ADGRG6: variants seen among roughly 807,000 people sequenced by gnomAD.
ADGRG6 encodes the protein G-protein coupled receptor 126.
A neutral mutation model predicts 142.4 loss-of-function variants in ADGRG6; 84 were observed. That is an observed-to-expected ratio of 0.59 (90% CI 0.49 to 0.71). ADGRG6 has a LOEUF of 0.71. Ranked by LOEUF, ADGRG6 falls within the 30% of genes least tolerant of loss-of-function variation. The pLI is 0.00. For synonymous variants in ADGRG6, 521 were observed against 520.5 expected, an observed-to-expected ratio of 1.00 and a Z score of -0.01; for missense variants, 1,367 against 1,466.6, an observed-to-expected ratio of 0.93 and a Z score of 1.11.
At chr6:142,417,016 A>G (rs1235543862) in intron 20 of ADGRG6, 2 of 486,452 alleles carry the variant, frequency 4.1e-6, no homozygotes, top group Non-Finnish European at 7.5e-6. Context: ...CACTAAGCAA[A>G]CAGAATTTTA....
At chr6:142,406,912 A>G (rs1228446612) in intron 15 of ADGRG6, among the ~76,000 whole-genome samples, 1 of 152,142 alleles carries the variant, frequency 6.6e-6, no homozygotes, top group Non-Finnish European at 1.5e-5. Flanking sequence ...TGGTACAGAA[A>G]TGGAGTCCAG....
chr6:142,334,101 G>A (rs2039986), intron 2 of ADGRG6, among the ~76,000 whole-genome samples: 61,542 of 151,984 alleles, frequency 0.4, 14,578 homozygotes, highest in African/African-American at 0.67. Context: ...GATAGTTTCA[G>A]GATGTTTCCA....
chr6:142,421,191 A>C (rs181811015), intron 22 of ADGRG6, among the ~76,000 whole-genome samples: 1 of 152,288 alleles, frequency 6.6e-6, no homozygotes, highest in East Asian at 1.9e-4. Flanking sequence ...TGAAGTGCAA[A>C]ATAATTGTCA....
At chr6:142,425,608 A>T (rs1054548185) in intron 22 of ADGRG6, among the ~76,000 whole-genome samples, 1 of 152,158 alleles carries the variant, frequency 6.6e-6, no homozygotes, top group Non-Finnish European at 1.5e-5. Context: ...GCAGGGAGGC[A>T]CCTTAAAGTC....
chr6:142,405,633 G>C lies in ADGRG6; in HGVS notation c.2128-55G>C. 3 of 1,419,238 alleles carry C rather than the reference G, an allele frequency of 2.1e-6. 1 individual carries two copies. The highest frequency in any genetic ancestry group is 3.0e-6 in the Non-Finnish European group (3 of 1,010,872). 87.9% of individuals were successfully genotyped at this position (1,419,238 alleles called of 1,614,324 possible). On this transcript the variant is annotated intron_variant, in intron 14 of 24. Transcript: ENST00000367609. Reference sequence around the variant, plus strand: ...CGCCTAACTATACATGTGGAATAAAGTTATTACCATTCAATTATGATTACT... The same window carrying C: ...CGCCTAACTATACATGTGGAATAAACTTATTACCATTCAATTATGATTACT...
At chr6:142,441,781 G>A (rs1777766653) in intron 24 of ADGRG6, among the ~76,000 whole-genome samples, 1 of 152,146 alleles carries the variant, frequency 6.6e-6, no homozygotes, top group African/African-American at 2.4e-5. Flanking sequence ...GTGAATATAT[G>A]AACTGAAAGG....
At chr6:142,366,935 A>G (rs1413035574) in intron 2 of ADGRG6, among the ~76,000 whole-genome samples, 1 of 152,192 alleles carries the variant, frequency 6.6e-6, no homozygotes, top group Admixed American at 6.5e-5. Context: ...AACAAATGGG[A>G]TAAGTGAATG....
intron 2 of ADGRG6, among the ~76,000 whole-genome samples, chr6:142,347,143 G>A (rs922634225): frequency 1.3e-5 from 2 of 152,080 alleles, no homozygotes; most frequent in Non-Finnish European, 1.5e-5. Flanking sequence ...CTAGAGACAG[G>A]CACTATAATA....
At chr6:142,416,977 C>T (rs902953254) in intron 20 of ADGRG6, 13 of 410,052 alleles carry the variant, frequency 3.2e-5, no homozygotes, top group African/African-American at 6.1e-5. Context: ...AGATTTGATA[C>T]AAATCAGGTT....
intron 2 of ADGRG6, among the ~76,000 whole-genome samples, chr6:142,313,987 A>G (rs1195025680): frequency 6.6e-6 from 1 of 152,160 alleles, no homozygotes; most frequent in Non-Finnish European, 1.5e-5. Flanking sequence ...ATAATGATAA[A>G]TGTGTGTATG....
Position 142,403,819 on chromosome 6 carries a change from A to C in ADGRG6, c.1973A>C (p.Asp658Ala). The change falls in exon 14 of 25, where the codon GAT becomes GCT. Residue 658 changes from aspartate to alanine, a missense_variant. This residue lies in a region of ADGRG6 where 286 missense variants were observed against 371.4 expected (regional missense o/e 0.77). Transcript: ENST00000367609. ...ESSSEALKTIDELAFKIDLNS... is the reference protein window; with the variant it reads ...ESSSEALKTIAELAFKIDLNS... Reference sequence around the variant, plus strand: ...TACTTTAGAGCTTTAAAAACAATTGATGAATTGGCCTTCAAGATAGACCTA... The same window carrying C: ...TACTTTAGAGCTTTAAAAACAATTGCTGAATTGGCCTTCAAGATAGACCTA... 1 of 1,581,014 alleles carries C rather than the reference A, an allele frequency of 6.3e-7. No homozygotes were observed. Among genetic ancestry groups the C allele is most frequent in the Non-Finnish European group, 8.6e-7 (1 of 1,168,952 alleles).
At chr6:142,431,815 C>T (rs1777220582) in intron 22 of ADGRG6, among the ~76,000 whole-genome samples, 1 of 152,000 alleles carries the variant, frequency 6.6e-6, no homozygotes, top group Admixed American at 6.6e-5. Context: ...CCCAGCTACT[C>T]AGCAGATTGA....
chr6:142,408,506 G>A (rs1300950714), intron 16 of ADGRG6, among the ~76,000 whole-genome samples: 4 of 152,112 alleles, frequency 2.6e-5, no homozygotes, highest in Non-Finnish European at 5.9e-5. Context: ...GAAGTGAAGA[G>A]AAGGGCTTCT....
chr6:142,340,978 CA>C (rs1479646226), intron 2 of ADGRG6, among the ~76,000 whole-genome samples: 1 of 151,894 alleles, frequency 6.6e-6, no homozygotes, highest in African/African-American at 2.4e-5. Flanking sequence ...TCTCAAAATG[CA>C]GGGGTAGGAA....
At chr6:142,416,268 A>T (rs1164304262) in intron 20 of ADGRG6, among the ~76,000 whole-genome samples, 1 of 152,186 alleles carries the variant, frequency 6.6e-6, no homozygotes, top group Non-Finnish European at 1.5e-5. Context: ...CACTCACTAT[A>T]TACACGAGTA....
At chr6:142,305,255 T>A (rs1231942492) in intron 1 of ADGRG6, among the ~76,000 whole-genome samples, 2 of 152,142 alleles carry the variant, frequency 1.3e-5, no homozygotes, top group Non-Finnish European at 2.9e-5. Context: ...AAATGTGAAT[T>A]TTTTAACTCT....
At chr6:142,335,842 T>C (rs746459443) in intron 2 of ADGRG6, among the ~76,000 whole-genome samples, 1 of 152,086 alleles carries the variant, frequency 6.6e-6, no homozygotes, top group Non-Finnish European at 1.5e-5. Context: ...AGAGAATATT[T>C]CTTGGAATCT....
chr6:142,439,052 G>T (rs1011487443), intron 24 of ADGRG6, among the ~76,000 whole-genome samples: 8 of 152,178 alleles, frequency 5.3e-5, no homozygotes, highest in Non-Finnish European at 8.8e-5. Context: ...TCTGGAGGCT[G>T]AGATGGTGGG....
chr6:142,346,469 A>G (rs933995359), intron 2 of ADGRG6, among the ~76,000 whole-genome samples: 3 of 152,006 alleles, frequency 2.0e-5, no homozygotes, highest in Non-Finnish European at 2.9e-5. Flanking sequence ...ATCTGTTCAT[A>G]TCCTTTGCCC....
Sources: gnomAD v4.1 joint callset for allele counts (sites outside exome capture counted in the v4.1 genomes callset) on GRCh38, gnomAD v4.1.1 for gene constraint, gnomAD v4.1.1 regional missense constraint, MANE v1.5 for transcripts, NCBI Gene and HGNC (gene_info 2026-07-23, HGNC 2026-07-21) for gene names.